The following XYLT1 variants were observed in gnomAD, a reference collection of about 807,000 sequenced individuals.
XYLT1 encodes xylosyltransferase 1.
Under a neutral mutation model 91.3 loss-of-function variants are expected in XYLT1, and 36 were observed. The observed-to-expected ratio is 0.39, with a 90% confidence interval of 0.30 to 0.52. The LOEUF (loss-of-function observed/expected upper bound fraction) is 0.52. Among genes scored for constraint, XYLT1 ranks in the 20% least tolerant of loss-of-function variants. The probability of loss-of-function intolerance (pLI) is 0.68; values close to 1 mark genes in which losing one functional copy is unlikely to be tolerated. For synonymous variants in XYLT1, 588 were observed against 532.0 expected (o/e 1.11, Z -1.45); for missense variants, 1,242 against 1,284.5 (o/e 0.97, Z 0.51).
chr16:17,409,891 T>C (rs974802960), intron 1 of XYLT1, among the ~76,000 whole-genome samples: 1 of 152,094 alleles, frequency 6.6e-6, no homozygotes, highest in Non-Finnish European at 1.5e-5. Flanking sequence ...AGTTTTATGG[T>C]TGCAAACAAA....
intron 2 of XYLT1, among the ~76,000 whole-genome samples, chr16:17,317,921 C>T (rs2034660615): frequency 6.6e-6 from 1 of 152,168 alleles, no homozygotes; most frequent in Admixed American, 6.5e-5. Context: ...TCCCTGCATC[C>T]TTGAATATCT....
intron 3 of XYLT1, chr16:17,227,438 CT>C (rs773614647): frequency 5.9e-5 from 9 of 152,652 alleles, no homozygotes; most frequent in Admixed American, 6.5e-5. Context: ...AGGAACAAGG[CT>C]GGCAGGCAGA....
intron 1 of XYLT1, among the ~76,000 whole-genome samples, chr16:17,410,408 AC>A (rs2036092149): frequency 6.6e-6 from 1 of 152,210 alleles, no homozygotes; most frequent in Non-Finnish European, 1.5e-5. Context: ...GATGAAAAGC[AC>A]ATCTCACATG....
intron 1 of XYLT1, among the ~76,000 whole-genome samples, chr16:17,389,395 G>A (rs1015717375): frequency 3.9e-5 from 6 of 152,134 alleles, no homozygotes; most frequent in East Asian, 1.9e-4. Context: ...ACAGGTACAC[G>A]CCACCACACC....
intron 2 of XYLT1, among the ~76,000 whole-genome samples, chr16:17,311,119 C>G (rs1346620319): frequency 6.6e-6 from 1 of 152,038 alleles, no homozygotes; most frequent in Non-Finnish European, 1.5e-5. Flanking sequence ...GCAAATTTAC[C>G]CGGTGTTTAA....
At chr16:17,356,150 G>A (rs577638987) in intron 2 of XYLT1, among the ~76,000 whole-genome samples, 122 of 152,166 alleles carry the variant, frequency 8.0e-4, no homozygotes, top group Middle Eastern at 3.4e-3. Context: ...GTCTTCAGAC[G>A]TTGCCAAATA....
chr16:17,419,234 C>A (rs558519335), intron 1 of XYLT1, among the ~76,000 whole-genome samples: 1 of 149,196 alleles, frequency 6.7e-6, no homozygotes, highest in Non-Finnish European at 1.5e-5. Flanking sequence ...CCCAGCTAGT[C>A]GGGAGTCTGA....
chr16:17,178,813 T>C (rs1463368556), intron 5 of XYLT1, among the ~76,000 whole-genome samples: 2 of 152,226 alleles, frequency 1.3e-5, no homozygotes, highest in Non-Finnish European at 2.9e-5. Context: ...CTCATGCCTG[T>C]AATCCCAGAA....
At chr16:17,142,416 C>G (rs1311947113) in intron 6 of XYLT1, among the ~76,000 whole-genome samples, 1 of 145,828 alleles carries the variant, frequency 6.9e-6, no homozygotes, top group Non-Finnish European at 1.5e-5. Context: ...CATGGCAGGT[C>G]TATTAAATCC....
intron 6 of XYLT1, among the ~76,000 whole-genome samples, chr16:17,142,329 T>C (rs1004619670): frequency 3.3e-5 from 5 of 152,006 alleles, no homozygotes; most frequent in African/African-American, 9.7e-5. Context: ...GGGGCCTGGA[T>C]TACAAAATAC....
intron 1 of XYLT1, among the ~76,000 whole-genome samples, chr16:17,428,770 T>C (rs2036350855): frequency 6.6e-6 from 1 of 152,148 alleles, no homozygotes; most frequent in African/African-American, 2.4e-5. Flanking sequence ...TTTCTTGCTT[T>C]CCTTTTATTT....
intron 6 of XYLT1, 69 bp from the exon 7 acceptor site, chr16:17,141,438 TAAAAC>T: frequency 1.4e-6 from 2 of 1,471,502 alleles, no homozygotes; most frequent in Admixed American, 3.7e-5. Flanking sequence ...AGAGTCCAAA[TAAAAC>T]AACACAATCA....
chr16:17,392,100 A>G (rs755145051), intron 1 of XYLT1, among the ~76,000 whole-genome samples: 4 of 152,188 alleles, frequency 2.6e-5, no homozygotes, highest in Non-Finnish European at 5.9e-5. Flanking sequence ...CAACATAGCA[A>G]TTTGTAAATC....
At chr16:17,285,482 T>G (rs1017994018) in intron 2 of XYLT1, among the ~76,000 whole-genome samples, 1 of 152,202 alleles carries the variant, frequency 6.6e-6, no homozygotes, top group Non-Finnish European at 1.5e-5. Context: ...AGGGCTTTGA[T>G]CCTTCCTGCC....
intron 3 of XYLT1, 117 bp downstream of exon 3, chr16:17,258,871 G>A (rs1211282317): frequency 7.9e-7 from 1 of 1,259,590 alleles, no homozygotes; most frequent in Non-Finnish European, 1.0e-6. Context: ...CTCATCTGGG[G>A]TTTGGAAAAC....
intron 5 of XYLT1, among the ~76,000 whole-genome samples, chr16:17,181,672 T>C (rs1344928895): frequency 6.6e-6 from 1 of 152,176 alleles, no homozygotes; most frequent in East Asian, 1.9e-4. Context: ...GATTACTTAG[T>C]GCTGGAGAGA....
chr16:17,307,235 C>T (rs919668171), intron 2 of XYLT1, among the ~76,000 whole-genome samples: 2 of 152,126 alleles, frequency 1.3e-5, no homozygotes, highest in African/African-American at 2.4e-5. Context: ...TAGACCACCA[C>T]GCCCAGTAAT....
chr16:17,188,707 C>A (rs1259823077), intron 5 of XYLT1, among the ~76,000 whole-genome samples: 1 of 152,184 alleles, frequency 6.6e-6, no homozygotes, highest in Non-Finnish European at 1.5e-5. Context: ...TGTCTGTCTC[C>A]TTCCTCTATT....
chr16:17,184,057 A>C (rs2032126720), intron 5 of XYLT1, among the ~76,000 whole-genome samples: 1 of 152,094 alleles, frequency 6.6e-6, no homozygotes, highest in Non-Finnish European at 1.5e-5. Context: ...TAGACTCTAC[A>C]ATAAAGACCA....
Sources: gnomAD v4.1 joint callset for allele counts (sites outside exome capture counted in the v4.1 genomes callset) on GRCh38, gnomAD v4.1.1 for gene constraint, MANE v1.5 for transcripts, NCBI Gene and HGNC (gene_info 2026-07-23, HGNC 2026-07-21) for gene names.